Variants in GREB1L observed in about 807,000 individuals in gnomAD.
The protein encoded by GREB1L is GREB1-like protein.
In GREB1L, 17 loss-of-function variants were observed where a neutral mutation model predicts 200.8. The observed-to-expected ratio is 0.08, with a 90% CI of 0.06 to 0.13. The LOEUF is 0.13. Ranked by LOEUF, GREB1L falls within the 10% of genes least tolerant of loss-of-function variation. The pLI, the probability that GREB1L is intolerant of heterozygous loss-of-function variation, is 1.00. For missense variants in GREB1L, 1,657 were observed against 2,367.7 expected (o/e 0.70, Z 6.23); for synonymous variants, 789 against 893.0 (o/e 0.88, Z 2.08).
intron 17 of GREB1L, among the ~76,000 whole-genome samples, chr18:21,480,024 A>C (rs1302400305): frequency 6.6e-6 from 1 of 152,178 alleles, no homozygotes; most frequent in African/African-American, 2.4e-5. Context: ...TACAGGCATG[A>C]GCCACTGTAC....
At chr18:21,482,471 T>G (rs577015124) in intron 17 of GREB1L, among the ~76,000 whole-genome samples, 12 of 152,114 alleles carry the variant, frequency 7.9e-5, no homozygotes, top group African/African-American at 2.9e-4. Context: ...GTTGGCCAGG[T>G]TGGTCTTGAA....
chr18:21,447,158 G>C (rs987410795), intron 11 of GREB1L, among the ~76,000 whole-genome samples: 16 of 152,042 alleles, frequency 1.1e-4, no homozygotes, highest in Non-Finnish European at 1.6e-4. Context: ...GGTGGCTCAC[G>C]CTTGTAATCT....
At chr18:21,421,004 C>A (rs1411326700) in intron 7 of GREB1L, among the ~76,000 whole-genome samples, 1 of 151,720 alleles carries the variant, frequency 6.6e-6, no homozygotes, top group Non-Finnish European at 1.5e-5. Flanking sequence ...AAAAGCCAGA[C>A]CAAAAAGAAA....
intron 31 of GREB1L, 62 bp from the exon 32 acceptor site, chr18:21,520,626 T>C (rs763543596): frequency 4.6e-6 from 7 of 1,518,556 alleles, no homozygotes; most frequent in Non-Finnish European, 6.3e-6. Context: ...GTCATTCTGC[T>C]GAACTGCAGA....
chr18:21,293,207 C>T (rs967005958), intron 1 of GREB1L, among the ~76,000 whole-genome samples: 31 of 152,114 alleles, frequency 2.0e-4, no homozygotes, highest in African/African-American at 7.2e-4. Context: ...CTTGTCTGTG[C>T]ATGTAAGAGA....
intron 17 of GREB1L, among the ~76,000 whole-genome samples, chr18:21,483,331 A>T (rs934785375): frequency 6.6e-6 from 1 of 152,122 alleles, no homozygotes; most frequent in African/African-American, 2.4e-5. Context: ...TTTCCAGATG[A>T]CTCTGTGTCT....
chr18:21,496,721 C>G (rs2036561983), intron 21 of GREB1L, 23 bp downstream of exon 21: 6 of 1,548,240 alleles, frequency 3.9e-6, no homozygotes, highest in Non-Finnish European at 5.2e-6. Flanking sequence ...TTTTCTCTTT[C>G]ATGGAGTGAG....
Position 21,293,489 on chromosome 18 carries a change from G to A in GREB1L, c.-120+51096G>A, listed in dbSNP as rs148968421. ...ATGAATTATGAATTACCAGAAGAAGGCAAGGAGTTGGACTTCTTAACCAAC... is the reference window on the plus strand; with the variant it reads ...ATGAATTATGAATTACCAGAAGAAGACAAGGAGTTGGACTTCTTAACCAAC... On this transcript the variant is annotated intron_variant, in intron 1 of 32. Transcript: ENST00000424526. Among the ~76,000 whole-genome samples the A allele has an allele frequency of 7.5e-3, 1,139 of 152,288 alleles. 19 individuals carry two copies. The highest frequency in any genetic ancestry group is 0.026 in the African/African-American group (1,060 of 41,556).
chr18:21,318,383 T>C (rs1057015728), intron 1 of GREB1L, among the ~76,000 whole-genome samples: 1 of 152,148 alleles, frequency 6.6e-6, no homozygotes, highest in African/African-American at 2.4e-5. Context: ...TCGGATTTTG[T>C]TTTTCTTTTC....
intron 27 of GREB1L, among the ~76,000 whole-genome samples, chr18:21,512,049 T>C (rs2037259362): frequency 6.6e-6 from 1 of 152,214 alleles, no homozygotes; most frequent in African/African-American, 2.4e-5. Flanking sequence ...TTCTGGGCTT[T>C]CTATAGGCCC....
intron 15 of GREB1L, chr18:21,468,753 TCA>T (rs1191132201): frequency 1.1e-5 from 5 of 456,676 alleles, no homozygotes; most frequent in Admixed American, 7.0e-5. Flanking sequence ...CACATTGCAT[TCA>T]GTTATGTCCT....
chr18:21,487,180 C>T (rs2036160303), intron 18 of GREB1L, among the ~76,000 whole-genome samples: 1 of 152,220 alleles, frequency 6.6e-6, no homozygotes, highest in Non-Finnish European at 1.5e-5. Flanking sequence ...GCTTGAAATG[C>T]ATCTTCTTTT....
At position 21,403,955 on chromosome 18, in the gene GREB1L, G is replaced by A; in HGVS notation, c.793G>A (p.Gly265Arg). Residue 265 changes from glycine (G) to arginine (R), a missense_variant, in exon 7 of 33, where the codon GGG (glycine) becomes AGG (arginine). This residue lies in a region of GREB1L where 289 missense variants were observed against 345.1 expected (regional missense o/e 0.84). Coordinates refer to ENST00000424526, the MANE Select transcript of GREB1L (RefSeq NM_001142966.3). ...GTCGTCAACTGTGACCCCAGAAAAT[G>A]GGACAACTAATGGATACAAATCAGG... is the stretch of plus-strand genomic sequence containing the variant. ...SVSSTVTPEN[G>R]TTNGYKSGFT... 6.4e-7 allele frequency: 1 copy of A among 1,551,410 alleles called. No individual in the cohort carries two copies. Among genetic ancestry groups the A allele is most frequent in the Non-Finnish European group, 8.7e-7 (1 of 1,146,390 alleles).
intron 1 of GREB1L, among the ~76,000 whole-genome samples, chr18:21,329,973 G>A (rs989166884): frequency 2.0e-5 from 3 of 150,066 alleles, no homozygotes; most frequent in Admixed American, 6.6e-5. Flanking sequence ...TTTTTTTGGG[G>A]GGGGGGGGTC....
At chr18:21,517,432 C>T (rs1401426955) in intron 30 of GREB1L, among the ~76,000 whole-genome samples, 1 of 152,074 alleles carries the variant, frequency 6.6e-6, no homozygotes, top group Non-Finnish European at 1.5e-5. Flanking sequence ...GATCCCAGCT[C>T]GCTGCAACCT....
chr18:21,423,198 G>C (rs1035453936), intron 7 of GREB1L, among the ~76,000 whole-genome samples: 1 of 152,082 alleles, frequency 6.6e-6, no homozygotes, highest in African/African-American at 2.4e-5. Flanking sequence ...TAAAGTACTG[G>C]GATTACAGGA....
chr18:21,348,133 G>T (rs2039379248), intron 1 of GREB1L, among the ~76,000 whole-genome samples: 1 of 151,644 alleles, frequency 6.6e-6, no homozygotes, highest in Non-Finnish European at 1.5e-5. Context: ...TTTTATTAGA[G>T]ACGGGGTTTC....
chr18:21,299,414 T>A (rs1467008163), intron 1 of GREB1L, among the ~76,000 whole-genome samples: 2 of 152,158 alleles, frequency 1.3e-5, no homozygotes, highest in Non-Finnish European at 2.9e-5. Flanking sequence ...ACAAGTTTTT[T>A]AAAAATTATA....
chr18:21,399,412 A>G (rs1370045279), intron 5 of GREB1L, among the ~76,000 whole-genome samples: 2 of 151,262 alleles, frequency 1.3e-5, no homozygotes, highest in African/African-American at 4.9e-5. Flanking sequence ...AGAGTACAGT[A>G]TTTGTTGGAT....
Sources: allele counts gnomAD v4.1 joint callset (sites outside exome capture counted in the v4.1 genomes callset), GRCh38; gene constraint gnomAD v4.1.1; regional missense constraint gnomAD v4.1.1; transcripts MANE v1.5; gene names NCBI Gene and HGNC (gene_info 2026-07-23, HGNC 2026-07-21).